The following KIF20B variants were observed in gnomAD, a reference collection of about 807,000 sequenced individuals.
KIF20B encodes kinesin-like protein KIF20B.
In KIF20B, 188 loss-of-function variants were observed where a neutral mutation model predicts 232.5. That is an observed-to-expected ratio of 0.81 (90% CI 0.72 to 0.91). KIF20B has a LOEUF of 0.91. Among genes scored for constraint, KIF20B ranks in the 40% least tolerant of loss-of-function variants. KIF20B has a pLI of 0.00. For synonymous variants in KIF20B, 712 were observed against 683.0 expected (o/e 1.04, Z -0.66); for missense variants, 2,154 against 2,055.9 (o/e 1.05, Z -0.92).
chr10:89,747,429 A>C (rs557681424), intron 23 of KIF20B, among the ~76,000 whole-genome samples: 1 of 152,054 alleles, frequency 6.6e-6, no homozygotes, highest in Non-Finnish European at 1.5e-5. Context: ...ATAAAGACAC[A>C]TGCACATGTA....
intron 31 of KIF20B, among the ~76,000 whole-genome samples, chr10:89,772,018 A>G (rs1000624659): frequency 1.3e-5 from 2 of 151,132 alleles, no homozygotes; most frequent in African/African-American, 2.4e-5. Context: ...AGTCTTCTCA[A>G]TTTAGTCTAA....
intron 22 of KIF20B, among the ~76,000 whole-genome samples, chr10:89,745,536 T>C (rs140356782): frequency 0.17 from 25,352 of 145,656 alleles, 2,617 homozygotes; most frequent in Non-Finnish European, 0.24. Context: ...AACAAACAAA[T>C]AAATAAATAA....
At position 89,737,396 on chromosome 10, in the gene KIF20B, A is replaced by G. The variant is rs754090221; in HGVS notation, c.2555A>G (p.His852Arg). The G allele has an allele frequency of 2.5e-6, 4 of 1,571,732 alleles. No homozygotes were observed. The East Asian group carries it at 6.7e-5, about 26-fold the overall frequency. The change falls in exon 20 of 33, where the codon CAT (histidine) becomes CGT (arginine). Residue 852 changes from histidine (H) to arginine (R), a missense_variant. Coordinates refer to ENST00000371728, the MANE Select transcript of KIF20B (RefSeq NM_001284259.2). ...DEPPAKKGSI[H>R]VSSAITEDQK... is the part of the protein sequence containing the mutation. Reference sequence around the variant, plus strand: ...TTTCTTATTTTTAAAGGGTCTATCCATGTTAGTTCAGCTATCACTGAAGAC... The same window carrying G: ...TTTCTTATTTTTAAAGGGTCTATCCGTGTTAGTTCAGCTATCACTGAAGAC...
chr10:89,734,411 A>G (rs1841599472), intron 19 of KIF20B, among the ~76,000 whole-genome samples: 1 of 152,070 alleles, frequency 6.6e-6, no homozygotes, highest in Non-Finnish European at 1.5e-5. Flanking sequence ...AACTGTGTCT[A>G]AAAAAATGAA....
intron 7 of KIF20B, among the ~76,000 whole-genome samples, chr10:89,714,340 G>A (rs769572290): frequency 2.0e-5 from 3 of 152,046 alleles, no homozygotes; most frequent in African/African-American, 4.8e-5. Context: ...TTACCTGGGC[G>A]TGGTGGCGCG....
At chr10:89,743,532 T>C (rs539935383) in intron 21 of KIF20B, among the ~76,000 whole-genome samples, 1 of 152,376 alleles carries the variant, frequency 6.6e-6, no homozygotes, top group South Asian at 2.1e-4. Context: ...GATGTTATGA[T>C]AATTCTTTTT....
Position 89,723,948 on chromosome 10 carries a change from C to T in KIF20B, c.1723-16C>T, listed in dbSNP as rs1843120848. On this transcript the variant is annotated splice_polypyrimidine_tract_variant and intron_variant, in intron 13 of 32. Coordinates refer to ENST00000371728, the MANE Select transcript of KIF20B (RefSeq NM_001284259.2). ...ATTTATTCTTTTATAAGAATTTTAT[C>T]ATTTACATGTAATAGAAACTGTTGG... The T allele has an allele frequency of 6.8e-7, 1 of 1,465,590 alleles. No individual in the cohort carries two copies. Among genetic ancestry groups the T allele is most frequent in the East Asian group, 2.4e-5 (1 of 41,396 alleles). 90.8% of individuals were successfully genotyped at this position (1,465,590 alleles called of 1,614,324 possible). A position where few individuals can be genotyped will look rare whatever the true frequency, so the allele number is the denominator to read the frequency against.
chr10:89,750,957 A>G (rs1024406291), intron 23 of KIF20B, among the ~76,000 whole-genome samples: 2 of 152,180 alleles, frequency 1.3e-5, no homozygotes, highest in African/African-American at 4.8e-5. Flanking sequence ...TGATTGGAGA[A>G]TATTAACACT....
intron 1 of KIF20B, among the ~76,000 whole-genome samples, chr10:89,705,050 T>A (rs1842693267): frequency 6.6e-6 from 1 of 152,260 alleles, no homozygotes; most frequent in African/African-American, 2.4e-5. Flanking sequence ...ACGAAACCTC[T>A]TTGAATGGAT....
intron 21 of KIF20B, among the ~76,000 whole-genome samples, chr10:89,739,694 C>A (rs1294447509): frequency 6.8e-6 from 1 of 146,916 alleles, no homozygotes. Flanking sequence ...GAGGTAGTTA[C>A]CAAATAATAC....
intron 29 of KIF20B, among the ~76,000 whole-genome samples, chr10:89,763,904 T>TTATTATTA: frequency 6.8e-6 from 1 of 147,462 alleles, no homozygotes; most frequent in East Asian, 2.1e-4. Context: ...ATTTATTTAT[T>TTATTATTA]TATTATTATA....
intron 2 of KIF20B, among the ~76,000 whole-genome samples, chr10:89,706,983 C>A (rs536796295): frequency 1.0e-3 from 159 of 152,076 alleles, no homozygotes; most frequent in Non-Finnish European, 2.0e-3. Context: ...ATCTGTGGAT[C>A]AGTTTGGAGA....
chr10:89,760,554 A>C lies in KIF20B; in HGVS notation c.4709A>C (p.Lys1570Thr). The change falls in exon 28 of 33, where the codon AAA becomes ACA. Residue 1570 changes from lysine to threonine, a missense_variant. Lys to Thr is a moderately conservative substitution (Grantham distance 78). Coordinates refer to ENST00000371728, the MANE Select transcript of KIF20B (RefSeq NM_001284259.2). ...IETQIMDIKP[K>T]RISSADPDKL... ...ACACAAATCATGGATATCAAGCCCA[A>C]ACGTATTAGTTCAGCAGATCCTGAC... is the stretch of plus-strand genomic sequence containing the variant. 6.2e-7 allele frequency: 1 copy of C among 1,612,810 alleles called. No individual in the cohort carries two copies. Among genetic ancestry groups the C allele is most frequent in the Non-Finnish European group, 8.5e-7 (1 of 1,179,068 alleles).
chr10:89,714,909 A>T, intron 7 of KIF20B, 46 bp from the exon 8 acceptor site: 1 of 1,122,112 alleles, frequency 8.9e-7, no homozygotes, highest in Non-Finnish European at 1.3e-6. Context: ...GTTTTTAGTC[A>T]GTTGCTTACT....
chr10:89,761,673 T>C (rs1228379957), intron 28 of KIF20B, among the ~76,000 whole-genome samples: 1 of 152,170 alleles, frequency 6.6e-6, no homozygotes, highest in African/African-American at 2.4e-5. Flanking sequence ...GGTTTTTCCT[T>C]GACAGTTCTT....
chr10:89,705,212 A>T, intron 1 of KIF20B, 82 bp from the exon 2 acceptor site: 1 of 1,130,654 alleles, frequency 8.8e-7, no homozygotes, highest in Non-Finnish European at 1.3e-6. Context: ...GGAGGGAAGT[A>T]GTGGGCTAGA....
chr10:89,725,040 G>T lies in KIF20B; in HGVS notation c.1883G>T (p.Arg628Leu). Residue 628 changes from arginine (R) to leucine (L), a missense_variant, in exon 15 of 33, where the codon CGA (arginine) becomes CTA (leucine). By Grantham distance (102) the Arg-to-Leu change is moderately radical. Coordinates refer to ENST00000371728, the MANE Select transcript of KIF20B (RefSeq NM_001284259.2). ...TGAAGGGAGACTCTGCTTCAAGAAC[G>T]AGAGATATTAGAAGAAAATGCTGAA... The part of the protein sequence containing the change: ...ADFKETLLQE[R>L]EILEENAERR... 6.2e-7 allele frequency: 1 copy of T among 1,613,554 alleles called. No individual in the cohort carries two copies. Among genetic ancestry groups the T allele is most frequent in the Non-Finnish European group, 8.5e-7 (1 of 1,179,620 alleles).
chr10:89,772,824 G>A lies in KIF20B; in HGVS notation c.5378G>A (p.Gly1793Asp). The A allele has an allele frequency of 6.2e-7, 1 of 1,604,114 alleles. No individual in the cohort carries two copies. The highest frequency in any genetic ancestry group is 1.3e-5 in the African/African-American group (1 of 74,448). ...SEISSPIDIS[G>D]QVILMDQKMK... ...ATTTCATCTCCTATTGATATATCAG[G>A]CCAAGTGGTAAGCTAGTATTTCTGT... The change falls in exon 32 of 33, where the codon GGC (glycine) becomes GAC (aspartate). Residue 1793 changes from glycine to aspartate, a missense_variant. By Grantham distance (94) the Gly-to-Asp change is moderately conservative (BLOSUM62 -1). Transcript: ENST00000371728.
chr10:89,726,602 G>T, intron 16 of KIF20B, 81 bp downstream of exon 16: 1 of 1,209,540 alleles, frequency 8.3e-7, no homozygotes, highest in Non-Finnish European at 1.1e-6. Context: ...GATTTATGTA[G>T]CTCATTTACC....
Sources: allele counts gnomAD v4.1 joint callset (sites outside exome capture counted in the v4.1 genomes callset), GRCh38; gene constraint gnomAD v4.1.1; transcripts MANE v1.5; gene names NCBI Gene and HGNC (gene_info 2026-07-23, HGNC 2026-07-21).